Variants in ZNF429 observed in about 807,000 individuals in gnomAD.
The protein encoded by ZNF429 is zinc finger protein 429.
A neutral mutation model predicts 56.8 loss-of-function variants in ZNF429; 53 were observed. That is an observed-to-expected ratio of 0.93 (90% CI 0.75 to 1.17). The LOEUF (loss-of-function observed/expected upper bound fraction) is 1.17. ZNF429 is among the 50% of genes most tolerant of loss of function. ZNF429 has a pLI of 0.00. For missense variants in ZNF429, 849 were observed against 788.4 expected (o/e 1.08, Z -0.92); for synonymous variants, 278 against 264.7 (o/e 1.05, Z -0.49).
rs62108288 is a variant in ZNF429 at position 21,505,671 on chromosome 19, C to A, written c.-101C>A. 1.9e-3 allele frequency: 2,560 copies of A among 1,330,752 alleles called. 5 individuals carry two copies. Among genetic ancestry groups the A allele is most frequent in the Non-Finnish European group, 2.3e-3 (2,192 of 959,432 alleles). 82.4% of individuals were successfully genotyped at this position (1,330,752 alleles called of 1,614,324 possible). A position where few individuals can be genotyped will look rare whatever the true frequency, so the allele number is the denominator to read the frequency against. On this transcript the variant is annotated 5_prime_UTR_variant, in exon 1 of 4. It adds an upstream start codon to the 5' untranslated region. Transcript: ENST00000358491. ...AGAGCTCCAGGTCTCGTCTTCATTT[C>A]TGTGTCCTTTGTTCTTAGAGGCCCA... is the stretch of plus-strand genomic sequence containing the variant.
In ZNF429 at chr19:21,529,686, T is replaced by C. The variant is rs373788851; in HGVS notation, c.32T>C (p.Ile11Thr). 5 of 1,595,702 alleles carry C rather than the reference T, an allele frequency of 3.1e-6. No individual in the cohort carries two copies. Among genetic ancestry groups the C allele is most frequent in the Non-Finnish European group, 4.3e-6 (5 of 1,169,874 alleles). The change falls in exon 2 of 4, where the codon ATA becomes ACA. Residue 11 changes from isoleucine to threonine, a missense_variant. Ile to Thr is a moderately conservative substitution (Grantham distance 89). Coordinates refer to ENST00000358491, the MANE Select transcript of ZNF429 (RefSeq NM_001001415.4). The stretch of plus-strand genomic sequence containing the variant: ...CCATTGACATTTACAGATGTGGCCA[T>C]AGAATTCTCTCTGGAGGAGTGGCAG... The part of the protein sequence containing the change: MGPLTFTDVA[I>T]EFSLEEWQCL...
At chr19:21,511,205 G>C (rs2032445619) in intron 1 of ZNF429, among the ~76,000 whole-genome samples, 1 of 151,560 alleles carries the variant, frequency 6.6e-6, no homozygotes. Context: ...TGGCCGGGCG[G>C]GGGCTGACCC....
chr19:21,522,440 G>A (rs562688083), intron 1 of ZNF429, among the ~76,000 whole-genome samples: 1 of 152,116 alleles, frequency 6.6e-6, no homozygotes, highest in Non-Finnish European at 1.5e-5. Context: ...AAACTCTTTT[G>A]TTCTATCATT....
intron 1 of ZNF429, among the ~76,000 whole-genome samples, chr19:21,522,651 C>T (rs1172765094): frequency 6.6e-6 from 1 of 152,128 alleles, no homozygotes; most frequent in Non-Finnish European, 1.5e-5. Context: ...AATCCCAGCA[C>T]TTTGGGAGGC....
chr19:21,509,054 G>C (rs1454278392), intron 1 of ZNF429, among the ~76,000 whole-genome samples: 1 of 151,468 alleles, frequency 6.6e-6, no homozygotes, highest in Non-Finnish European at 1.5e-5. Context: ...CTTGCTCAAG[G>C]CTGGGGTGCA....
In ZNF429 at chr19:21,538,372, C is replaced by T. The variant is rs113751359; in HGVS notation, c.*294C>T. 0.025 allele frequency among the ~76,000 whole-genome samples: 3,702 copies of T among 148,762 alleles called. 136 individuals are homozygous for T. Among genetic ancestry groups the T allele is most frequent in the African/African-American group, 0.085 (3,448 of 40,330 alleles). ...ATCCCAGCACTTTGGGAGGCCGAGG[C>T]GGGTGGATCACGAGGTCAGGAGTTC... On this transcript the variant is annotated 3_prime_UTR_variant, in exon 4 of 4. Transcript: ENST00000358491.
At chr19:21,519,613 AC>A (rs146297628) in intron 1 of ZNF429, among the ~76,000 whole-genome samples, 1,868 of 152,232 alleles carry the variant, frequency 0.012, 44 homozygotes, top group African/African-American at 0.042. Flanking sequence ...AAGTTAGCCC[AC>A]CCTCTTTAGA....
At chr19:21,527,467 A>T (rs187032390) in intron 1 of ZNF429, among the ~76,000 whole-genome samples, 77 of 152,236 alleles carry the variant, frequency 5.1e-4, no homozygotes, top group Non-Finnish European at 2.5e-4. Flanking sequence ...TCAAGTATGA[A>T]AGCTTCAAGA....
chr19:21,537,957 G>A lies in ZNF429; in HGVS notation c.1904G>A (p.Arg635Lys). ...GCCAAAGCTTTTACCCGGTCTTCAA[G>A]ACTTACTCAACATAAGAAAATTCAT... is the stretch of plus-strand genomic sequence containing the variant. ...ECAKAFTRSS[R>K]LTQHKKIHRM... is the part of the protein sequence containing the mutation. Residue 635 changes from arginine to lysine, a missense_variant, in exon 4 of 4, where the codon AGA becomes AAA. By Grantham distance (26) the Arg-to-Lys change is conservative. Transcript: ENST00000358491. 6.2e-7 allele frequency: 1 copy of A among 1,614,052 alleles called. No individual in the cohort carries two copies. Among genetic ancestry groups the A allele is most frequent in the East Asian group, 2.2e-5 (1 of 44,880 alleles).
At chr19:21,533,235 T>C in intron 3 of ZNF429, among the ~76,000 whole-genome samples, 1 of 152,142 alleles carries the variant, frequency 6.6e-6, no homozygotes, top group African/African-American at 2.4e-5. Flanking sequence ...AATGCTTTTT[T>C]TCCAGTTGTG....
At chr19:21,520,123 T>A (rs776844657) in intron 1 of ZNF429, among the ~76,000 whole-genome samples, 1 of 152,180 alleles carries the variant, frequency 6.6e-6, no homozygotes, top group Non-Finnish European at 1.5e-5. Context: ...CCTCCCAAAG[T>A]GCTAGGATTA....
At chr19:21,505,956 G>GC (rs2032120589) in intron 1 of ZNF429, 182 bp downstream of exon 1, 1 of 560,772 alleles carries the variant, frequency 1.8e-6, no homozygotes, top group South Asian at 1.9e-5. Flanking sequence ...TGACAGCCGG[G>GC]CCCCGGGCGT....
chr19:21,505,888 GAATT>G, intron 1 of ZNF429, 114 bp downstream of exon 1: 1 of 1,197,762 alleles, frequency 8.3e-7, no homozygotes, highest in Non-Finnish European at 1.2e-6. Context: ...TCTGCGCCCG[GAATT>G]CTCCTTGCCC....
chr19:21,535,397 CTTT>C, intron 3 of ZNF429, among the ~76,000 whole-genome samples: 5,062 of 46,834 alleles, frequency 0.11, 883 homozygotes, highest in Middle Eastern at 0.17. Context: ...TTCTTTCTTT[CTTT>C]CTTTCTTTTT....
rs1330072647 is a variant in ZNF429 at position 21,537,299 on chromosome 19, A to T, written c.1246A>T (p.Lys416Ter). The T allele has an allele frequency of 1.2e-6, 2 of 1,614,102 alleles. No homozygotes were observed. The highest frequency in any genetic ancestry group is 2.2e-5 in the South Asian group (2 of 91,086). ...CTGTTCCTCAACACTTACTCAAGAC[A>T]AGAAAATTCATACTGGAGAGAAACC... is the stretch of plus-strand genomic sequence containing the variant. ...FTCSSTLTQD[K>*]KIHTGEKPYN... The change falls in exon 4 of 4, where the codon AAG (lysine) becomes TAG (stop). Residue 416 changes from lysine (K) to a stop codon, truncating the protein, a stop_gained. Coordinates refer to ENST00000358491, the MANE Select transcript of ZNF429 (RefSeq NM_001001415.4). LOFTEE classifies it high-confidence loss of function.
intron 1 of ZNF429, among the ~76,000 whole-genome samples, chr19:21,507,980 C>T (rs779068052): frequency 3.3e-5 from 5 of 152,162 alleles, no homozygotes; most frequent in East Asian, 3.9e-4. Flanking sequence ...CTGCCAGGCA[C>T]GGTGGCTCAC....
chr19:21,509,122 C>T (rs1353490038), intron 1 of ZNF429, among the ~76,000 whole-genome samples: 1 of 151,846 alleles, frequency 6.6e-6, no homozygotes, highest in Non-Finnish European at 1.5e-5. Flanking sequence ...AATTCTCCTG[C>T]CTCAGCCTCC....
At chr19:21,522,945 T>C (rs1016512439) in intron 1 of ZNF429, among the ~76,000 whole-genome samples, 5 of 152,054 alleles carry the variant, frequency 3.3e-5, no homozygotes, top group Admixed American at 3.3e-4. Flanking sequence ...GGCAGAATCA[T>C]GTCTCTTTGT....
intron 1 of ZNF429, among the ~76,000 whole-genome samples, chr19:21,517,232 A>C (rs2032786278): frequency 6.6e-6 from 1 of 152,132 alleles, no homozygotes; most frequent in South Asian, 2.1e-4. Context: ...TTATGTGATG[A>C]ATCACATTTA....
Sources: allele counts gnomAD v4.1 joint callset (sites outside exome capture counted in the v4.1 genomes callset), GRCh38; gene constraint gnomAD v4.1.1; transcripts MANE v1.5; gene names NCBI Gene and HGNC (gene_info 2026-07-23, HGNC 2026-07-21).